The following PCDHGB7 variants were observed in gnomAD, a reference collection of about 807,000 sequenced individuals.
PCDHGB7 encodes protocadherin gamma-B7.
PCDHGB7 carries 37 observed loss-of-function variants against 61.4 expected under a neutral mutation model. That is an observed-to-expected ratio of 0.60 (90% confidence interval 0.46 to 0.79). PCDHGB7 has a LOEUF of 0.79. Ranked by LOEUF, PCDHGB7 falls within the 30% of genes least tolerant of loss-of-function variation. The pLI, the probability that PCDHGB7 is intolerant of heterozygous loss-of-function variation, is 0.00. For missense variants in PCDHGB7, 1,166 were observed against 1,202.5 expected, an observed-to-expected ratio of 0.97 and a Z score of 0.45; for synonymous variants, 464 against 503.5, an observed-to-expected ratio of 0.92 and a Z score of 1.05.
chr5:141,421,291 G>C, intron 1 of PCDHGB7: 1 of 1,613,364 alleles, frequency 6.2e-7, no homozygotes, highest in Middle Eastern at 1.6e-4. Context: ...CATTTTCCTG[G>C]GGACGCTGCG....
Position 141,511,030 on chromosome 5 carries a change from C to A in PCDHGB7, c.2647C>A (p.Gln883Lys). 9 of 1,614,224 alleles carry A rather than the reference C, an allele frequency of 5.6e-6. No individual in the cohort carries two copies. Among genetic ancestry groups the A allele is most frequent in the Non-Finnish European group, 7.6e-6 (9 of 1,180,032 alleles). Residue 883 changes from glutamine (Q) to lysine (K), a missense_variant, in exon 4 of 4, where the codon CAG (glutamine) becomes AAG (lysine). Transcript: ENST00000398594. ...SARYGPQFTLQHVPDYRQNVY... is the reference protein window; with the variant it reads ...SARYGPQFTLKHVPDYRQNVY... ...CCGCTACGGACCCCAGTTCACCCTGCAGCACGTGCCCGACTACCGCCAGAA... is the reference window on the plus strand; with the variant it reads ...CCGCTACGGACCCCAGTTCACCCTGAAGCACGTGCCCGACTACCGCCAGAA...
At position 141,432,032 on chromosome 5, in the gene PCDHGB7, A is replaced by G; in HGVS notation, c.2415+11758A>G. On this transcript the variant is annotated intron_variant, in intron 1 of 3. Coordinates refer to ENST00000398594, the MANE Select transcript of PCDHGB7 (RefSeq NM_018927.4). The surrounding 1 kb of genome is among the most constrained non-coding windows in gnomAD (Gnocchi z 6.0). ...TAGCTACAACATCACAGTGACCGCC[A>G]CTGACCGGGGAACCCCGCCCCTATC... 2 of 1,614,242 alleles carry G rather than the reference A, an allele frequency of 1.2e-6. No homozygotes were observed. Among genetic ancestry groups the G allele is most frequent in the South Asian group, 1.1e-5 (1 of 91,086 alleles).
intron 1 of PCDHGB7, among the ~76,000 whole-genome samples, chr5:141,445,814 T>C (rs1554133709): frequency 6.6e-6 from 1 of 152,182 alleles, no homozygotes; most frequent in Non-Finnish European, 1.5e-5. Context: ...TAGATGAAAC[T>C]AATAAGGCAG....
Position 141,431,359 on chromosome 5 carries a change from G to A in PCDHGB7, c.2415+11085G>A. 1 of 1,614,024 alleles carries A rather than the reference G, an allele frequency of 6.2e-7. No homozygotes were observed. The highest frequency in any genetic ancestry group is 8.5e-7 in the Non-Finnish European group (1 of 1,180,030). On this transcript the variant is annotated intron_variant, in intron 1 of 3. Transcript: ENST00000398594. This position sits in a 1 kb window ranked among gnomAD's most constrained non-coding sequence, Gnocchi z 4.8. ...CCGAATTGGTGCTGAAACGCGCCCTGGACCGCGAAGAAAAGGCTGCTCACC... is the reference window on the plus strand; with the variant it reads ...CCGAATTGGTGCTGAAACGCGCCCTAGACCGCGAAGAAAAGGCTGCTCACC...
rs1385408442 is a variant in PCDHGB7 at position 141,487,321 on chromosome 5, T to A, written c.2416-7486T>A. 1 of 1,614,198 alleles carries A rather than the reference T, an allele frequency of 6.2e-7. No homozygotes were observed. The highest frequency in any genetic ancestry group is 1.7e-5 in the Admixed American group (1 of 60,032). ...TCGTGGCACTACTCTCTAAGTGTCT[T>A]CGTGGGGCAGCCTGTGGAGTCACAT... is the stretch of plus-strand genomic sequence containing the variant. On this transcript the variant is annotated intron_variant, in intron 1 of 3. Transcript: ENST00000398594. This position sits in a 1 kb window ranked among gnomAD's most constrained non-coding sequence, Gnocchi z 5.0.
Position 141,432,323 on chromosome 5 carries a change from T to C in PCDHGB7, c.2415+12049T>C, listed in dbSNP as rs1198710959. The C allele has an allele frequency of 3.4e-5, 55 of 1,614,214 alleles. No individual in the cohort carries two copies. Among genetic ancestry groups the C allele is most frequent in the Non-Finnish European group, 4.7e-5 (55 of 1,180,028 alleles). On this transcript the variant is annotated intron_variant, in intron 1 of 3. Transcript: ENST00000398594. This position sits in a 1 kb window ranked among gnomAD's most constrained non-coding sequence, Gnocchi z 6.0. ...ACTGTATGCGCTGAGCTCCTTCGAC[T>C]ACGAGCAGTTCCGAGACTTGCAAGT...
intron 1 of PCDHGB7, among the ~76,000 whole-genome samples, chr5:141,460,646 C>T (rs1001365023): frequency 2.0e-5 from 3 of 151,954 alleles, no homozygotes; most frequent in African/African-American, 7.3e-5. Context: ...ACTGTGTTTA[C>T]ACATATGTAA....
intron 2 of PCDHGB7, among the ~76,000 whole-genome samples, chr5:141,497,879 G>A (rs62379207): frequency 4.6e-4 from 70 of 152,244 alleles, no homozygotes; most frequent in Non-Finnish European, 8.2e-4. Flanking sequence ...TGAAATAAGC[G>A]TTAGGATCTA....
At chr5:141,435,052 T>C (rs922871138) in intron 1 of PCDHGB7, among the ~76,000 whole-genome samples, 1 of 152,174 alleles carries the variant, frequency 6.6e-6, no homozygotes, top group African/African-American at 2.4e-5. Context: ...CCATTGACCA[T>C]GCAGCAGTTT....
In PCDHGB7 at chr5:141,476,303, G is replaced by T. The variant is rs747567754; in HGVS notation, c.2416-18504G>T. ...TGGTTTGGATCTCGGTAGCCTCTCA[G>T]CCCGCAGGTTCCGGGTGGTGTCTGG... is the stretch of plus-strand genomic sequence containing the variant. On this transcript the variant is annotated intron_variant, in intron 1 of 3. Coordinates refer to ENST00000398594, the MANE Select transcript of PCDHGB7 (RefSeq NM_018927.4). The surrounding 1 kb of genome is among the most constrained non-coding windows in gnomAD (Gnocchi z 7.6). 6.2e-7 allele frequency: 1 copy of T among 1,613,872 alleles called. No individual in the cohort carries two copies. Among genetic ancestry groups the T allele is most frequent in the Admixed American group, 1.7e-5 (1 of 60,000 alleles).
chr5:141,418,436 G>A lies in PCDHGB7; in HGVS notation c.577G>A (p.Glu193Lys). ...KDNPDGGKYPELVLQKTLDRE... is the reference protein window; with the variant it reads ...KDNPDGGKYPKLVLQKTLDRE... ...CAATCCTGATGGTGGCAAATATCCA[G>A]AATTAGTATTGCAGAAGACTCTGGA... The change falls in exon 1 of 4, where the codon GAA becomes AAA. Residue 193 changes from glutamate to lysine, a missense_variant. Coordinates refer to ENST00000398594, the MANE Select transcript of PCDHGB7 (RefSeq NM_018927.4). 1 of 1,614,000 alleles carries A rather than the reference G, an allele frequency of 6.2e-7. No individual in the cohort carries two copies.
chr5:141,448,122 C>A (rs1315243727), intron 1 of PCDHGB7, among the ~76,000 whole-genome samples: 1 of 151,820 alleles, frequency 6.6e-6, no homozygotes, highest in Non-Finnish European at 1.5e-5. Context: ...AAATTAGCCT[C>A]CCCCACCCTC....
In PCDHGB7 at chr5:141,493,985, C is replaced by A. The variant is rs1444608753; in HGVS notation, c.2416-822C>A. On this transcript the variant is annotated intron_variant, in intron 1 of 3. Coordinates refer to ENST00000398594, the MANE Select transcript of PCDHGB7 (RefSeq NM_018927.4). This position sits in a 1 kb window ranked among gnomAD's most constrained non-coding sequence, Gnocchi z 4.3. ...GCTGGCCAGAGCCCCACACCTTCAGCTAGGTGGGAGATGGCTACACATCAG... is the reference window on the plus strand; with the variant it reads ...GCTGGCCAGAGCCCCACACCTTCAGATAGGTGGGAGATGGCTACACATCAG... Among the ~76,000 whole-genome samples the A allele has an allele frequency of 6.6e-6, 1 of 152,196 alleles. No individual in the cohort carries two copies. The highest frequency in any genetic ancestry group is 1.5e-5 in the Non-Finnish European group (1 of 68,032).
At chr5:141,433,129 C>T in intron 1 of PCDHGB7, 1 of 1,614,130 alleles carries the variant, frequency 6.2e-7, no homozygotes, top group Non-Finnish European at 8.5e-7. Context: ...AAAGCGAGCC[C>T]CTTTTGCTGT....
chr5:141,454,779 A>G (rs1387404898), intron 1 of PCDHGB7, among the ~76,000 whole-genome samples: 2 of 146,092 alleles, frequency 1.4e-5, no homozygotes, highest in African/African-American at 2.6e-5. Context: ...ACAAGGAAAT[A>G]ATCCTCCATG....
chr5:141,444,305 A>G (rs62379165), intron 1 of PCDHGB7, among the ~76,000 whole-genome samples: 13,327 of 151,310 alleles, frequency 0.088, 765 homozygotes, highest in African/African-American at 0.16. Context: ...CCTAGTAGCT[A>G]GGATTACAGG....
chr5:141,433,437 T>C (rs1422634356), intron 1 of PCDHGB7, among the ~76,000 whole-genome samples: 2 of 152,076 alleles, frequency 1.3e-5, no homozygotes, highest in Admixed American at 1.3e-4. Flanking sequence ...AGTCTCACTA[T>C]GTTGAGCAGG....
rs1306500688 is a variant in PCDHGB7 at position 141,491,142 on chromosome 5, A to T, written c.2416-3665A>T. ...GTGAGGTGCGCACAGCCCGGGCCTTACTGGAGGATGACTCTGACACCCAGC... is the reference window on the plus strand; with the variant it reads ...GTGAGGTGCGCACAGCCCGGGCCTTTCTGGAGGATGACTCTGACACCCAGC... On this transcript the variant is annotated intron_variant, in intron 1 of 3. Coordinates refer to ENST00000398594, the MANE Select transcript of PCDHGB7 (RefSeq NM_018927.4). This position sits in a 1 kb window ranked among gnomAD's most constrained non-coding sequence, Gnocchi z 6.9. 6.2e-7 allele frequency: 1 copy of T among 1,614,090 alleles called. No homozygotes were observed. Among genetic ancestry groups the T allele is most frequent in the Non-Finnish European group, 8.5e-7 (1 of 1,179,976 alleles).
chr5:141,444,800 A>G (rs1294854513), intron 1 of PCDHGB7, among the ~76,000 whole-genome samples: 1 of 152,078 alleles, frequency 6.6e-6, no homozygotes, highest in East Asian at 1.9e-4. Flanking sequence ...CTATTCTTTT[A>G]CTAATAGCAC....
Sources: gnomAD v4.1 joint callset for allele counts (sites outside exome capture counted in the v4.1 genomes callset) on GRCh38, gnomAD v4.1.1 for gene constraint, Gnocchi (gnomAD v3.1) non-coding constraint, MANE v1.5 for transcripts, NCBI Gene and HGNC (gene_info 2026-07-23, HGNC 2026-07-21) for gene names.